Variants in PMFBP1 observed in about 807,000 individuals in gnomAD.
The protein encoded by PMFBP1 is polyamine-modulated factor 1-binding protein 1.
In PMFBP1, 131 loss-of-function variants were observed where a neutral mutation model predicts 137.8. The ratio of observed to expected loss-of-function variants is 0.95; its 90% CI spans 0.82 to 1.10. PMFBP1 has a LOEUF of 1.10. Ranked by LOEUF, PMFBP1 falls within the 50% of genes least tolerant of loss-of-function variation. The probability of loss-of-function intolerance (pLI) is 0.00; values close to 1 mark genes in which losing one functional copy is unlikely to be tolerated. For synonymous variants in PMFBP1, 490 were observed against 450.4 expected (o/e 1.09, Z -1.11); for missense variants, 1,199 against 1,175.4 (o/e 1.02, Z -0.29).
chr16:72,237,339 T>C, the PMFBP1 span, among the ~76,000 whole-genome samples: 1 of 152,114 alleles, frequency 6.6e-6, no homozygotes, highest in Non-Finnish European at 1.5e-5. Flanking sequence ...TCCTTGGCCA[T>C]ATCTAAGAAA....
At chr16:72,233,142 A>AC in the PMFBP1 span, among the ~76,000 whole-genome samples, 4 of 151,532 alleles carry the variant, frequency 2.6e-5, no homozygotes, top group Non-Finnish European at 4.4e-5. Flanking sequence ...ATGCACTTGA[A>AC]CCCCCCCAAT....
At chr16:72,206,428 G>A in the PMFBP1 span, among the ~76,000 whole-genome samples, 2 of 152,146 alleles carry the variant, frequency 1.3e-5, no homozygotes, top group Non-Finnish European at 2.9e-5. Context: ...TTCCAGGAGG[G>A]CAGCTCCACA....
the PMFBP1 span, among the ~76,000 whole-genome samples, chr16:72,214,264 G>A: frequency 2.0e-5 from 3 of 151,714 alleles, no homozygotes; most frequent in Admixed American, 6.6e-5. Flanking sequence ...GCACAATCTC[G>A]GCTCACTGCA....
the PMFBP1 span, among the ~76,000 whole-genome samples, chr16:72,246,195 C>T: frequency 6.6e-6 from 1 of 152,128 alleles, no homozygotes; most frequent in African/African-American, 2.4e-5. Flanking sequence ...GCTGAAAGGA[C>T]AATAGCATTA....
the PMFBP1 span, among the ~76,000 whole-genome samples, chr16:72,221,828 T>G: frequency 2.6e-5 from 4 of 152,202 alleles, no homozygotes; most frequent in Non-Finnish European, 1.5e-5. Context: ...GTCATTTGGT[T>G]GAATCACTCG....
the PMFBP1 span, among the ~76,000 whole-genome samples, chr16:72,209,215 T>C: frequency 2.6e-4 from 39 of 152,350 alleles, no homozygotes; most frequent in Admixed American, 4.6e-4. Flanking sequence ...ATGCACAGCA[T>C]GCCTGTATCT....
the PMFBP1 span, among the ~76,000 whole-genome samples, chr16:72,197,223 G>A: frequency 6.6e-6 from 1 of 152,122 alleles, no homozygotes; most frequent in African/African-American, 2.4e-5. Context: ...AGGTAATTGG[G>A]CACCTATGGT....
At chr16:72,183,473 C>T in the PMFBP1 span, among the ~76,000 whole-genome samples, 1 of 152,144 alleles carries the variant, frequency 6.6e-6, no homozygotes, top group East Asian at 1.9e-4. Flanking sequence ...TCATCCCAGT[C>T]TCTGCCTTCA....
At chr16:72,184,846 A>G in the PMFBP1 span, among the ~76,000 whole-genome samples, 1 of 152,096 alleles carries the variant, frequency 6.6e-6, no homozygotes, top group Non-Finnish European at 1.5e-5. Context: ...GATCTTCCCA[A>G]TTAATCTTCT....
the PMFBP1 span, among the ~76,000 whole-genome samples, chr16:72,219,555 G>GA: frequency 2.1e-5 from 2 of 94,286 alleles, no homozygotes; most frequent in Non-Finnish European, 3.6e-5. Context: ...ATGTGGGCGG[G>GA]GGGGCCTGTT....
In PMFBP1 at chr16:72,172,131, T is replaced by C. The variant is rs994835359; in HGVS notation, c.-138A>G. 1.3e-5 allele frequency: 2 copies of C among 152,130 alleles called. No individual in the cohort carries two copies. Among genetic ancestry groups the C allele is most frequent in the Admixed American group, 1.3e-4 (2 of 15,276 alleles). The allele number at this position is 152,130 out of a possible 1,614,324, so 9.4% of individuals were successfully genotyped here. ...CAAACCACATCCCCTATCCCTAATA[T>C]AAGCCAAGAGGAAGAAAGAATGTTG... On this transcript the variant is annotated 5_prime_UTR_variant, in exon 1 of 21. Coordinates refer to ENST00000237353, the MANE Select transcript of PMFBP1 (RefSeq NM_031293.3).
chr16:72,128,880 C>G, intron 13 of PMFBP1, 86 bp from the exon 14 acceptor site: 2 of 1,569,968 alleles, frequency 1.3e-6, no homozygotes, highest in Non-Finnish European at 1.7e-6. Flanking sequence ...TCCCTCTCAC[C>G]CAGCTCTATC....
At chr16:72,217,821 A>G in the PMFBP1 span, among the ~76,000 whole-genome samples, 2 of 151,922 alleles carry the variant, frequency 1.3e-5, no homozygotes, top group African/African-American at 4.9e-5. Flanking sequence ...CTGGGCAACA[A>G]GAGTGAAAGT....
chr16:72,209,422 TATC>T, the PMFBP1 span, among the ~76,000 whole-genome samples: 10 of 152,230 alleles, frequency 6.6e-5, no homozygotes, highest in South Asian at 2.1e-4. Context: ...TATATATTGT[TATC>T]ATATATAGTT....
chr16:72,213,001 A>G, the PMFBP1 span, among the ~76,000 whole-genome samples: 1 of 152,230 alleles, frequency 6.6e-6, no homozygotes, highest in Admixed American at 6.5e-5. Flanking sequence ...ACGACATTTC[A>G]GACTCGAAAA....
chr16:72,158,380 G>T (rs1353375723), intron 3 of PMFBP1, among the ~76,000 whole-genome samples: 4 of 152,186 alleles, frequency 2.6e-5, no homozygotes, highest in African/African-American at 9.7e-5. Context: ...AAATGTTGTT[G>T]TTAAGGGCTT....
intron 3 of PMFBP1, among the ~76,000 whole-genome samples, chr16:72,156,302 G>C (rs1279394161): frequency 6.6e-6 from 1 of 151,616 alleles, no homozygotes; most frequent in African/African-American, 2.4e-5. Flanking sequence ...ATGTTTTTGA[G>C]GTTCATCCAG....
chr16:72,226,682 C>T, the PMFBP1 span, among the ~76,000 whole-genome samples: 9 of 151,930 alleles, frequency 5.9e-5, no homozygotes, highest in African/African-American at 1.2e-4. Context: ...ATTTGATAAC[C>T]GGTACATAAG....
chr16:72,226,806 CAA>C, the PMFBP1 span, among the ~76,000 whole-genome samples: 1 of 152,144 alleles, frequency 6.6e-6, no homozygotes, highest in African/African-American at 2.4e-5. Flanking sequence ...CACAACATGT[CAA>C]GAGAGACCTT....
Sources: gnomAD v4.1 joint callset for allele counts (sites outside exome capture counted in the v4.1 genomes callset) on GRCh38, gnomAD v4.1.1 for gene constraint, MANE v1.5 for transcripts, NCBI Gene and HGNC (gene_info 2026-07-23, HGNC 2026-07-21) for gene names.